Variants in DKK3 observed in about 807,000 individuals in gnomAD.
The protein encoded by DKK3 is dickkopf Wnt signaling pathway inhibitor 3, also known as dickkopf-related protein 3.
DKK3 carries 22 observed loss-of-function variants against 33.2 expected under a neutral mutation model. That is an observed-to-expected ratio of 0.66 (90% CI 0.47 to 0.95). The LOEUF is 0.95. Among genes scored for constraint, DKK3 ranks in the 40% least tolerant of loss-of-function variants. The pLI is 0.00. For synonymous variants in DKK3, 194 were observed against 188.8 expected (o/e 1.03, Z -0.23); for missense variants, 398 against 458.4 (o/e 0.87, Z 1.20).
chr11:12,001,105 C>T (rs1406640908), intron 2 of DKK3, among the ~76,000 whole-genome samples: 1 of 152,180 alleles, frequency 6.6e-6, no homozygotes, highest in African/African-American at 2.4e-5. Context: ...CTGACATTTA[C>T]AAGAAGCAAC....
chr11:11,980,864 G>A (rs909877905), intron 3 of DKK3, among the ~76,000 whole-genome samples: 20 of 152,176 alleles, frequency 1.3e-4, no homozygotes, highest in African/African-American at 4.6e-4. Context: ...CTGAGGGGTG[G>A]TCCTGTCCAG....
At chr11:11,970,724 G>T (rs940319120) in intron 3 of DKK3, among the ~76,000 whole-genome samples, 1 of 152,224 alleles carries the variant, frequency 6.6e-6, no homozygotes, top group Admixed American at 6.5e-5. Context: ...ATCATGCCAG[G>T]TGTCACAGAC....
chr11:11,998,593 A>T, intron 3 of DKK3, 103 bp downstream of exon 3: 1 of 994,394 alleles, frequency 1.0e-6, no homozygotes, highest in East Asian at 2.4e-5. Flanking sequence ...AGGAGACTCC[A>T]CTCCCTCCTG....
At chr11:11,968,512 T>G (rs1317126613) in intron 3 of DKK3, 25 bp from the exon 4 acceptor site, 1 of 1,607,698 alleles carries the variant, frequency 6.2e-7, no homozygotes, top group Admixed American at 1.7e-5. Context: ...AGGGAGCAGA[T>G]GTGTCAATGG....
intron 1 of DKK3, among the ~76,000 whole-genome samples, chr11:12,007,284 G>A (rs1046693944): frequency 2.6e-5 from 4 of 152,220 alleles, no homozygotes; most frequent in African/African-American, 7.2e-5. Context: ...GCAGGGATGT[G>A]AAGCCAGACC....
rs553536379 is a variant in DKK3 at position 11,973,017 on chromosome 11, G to T, written c.436-4530C>A. Among the ~76,000 whole-genome samples the T allele has an allele frequency of 2.6e-5, 4 of 152,270 alleles. No homozygotes were observed. The South Asian group carries it at 6.2e-4, about 24-fold the overall frequency. On this transcript the variant is annotated intron_variant, in intron 3 of 6. Coordinates refer to ENST00000683431, the MANE Select transcript of DKK3 (RefSeq NM_001018057.2). ...TAGTAAGGAATGAGTACCTTGCAGG[G>T]CCTCTATCTACCTCTTAGCCCTGGG...
At chr11:11,966,830 T>G in intron 5 of DKK3, 124 bp downstream of exon 5, 3 of 1,366,084 alleles carry the variant, frequency 2.2e-6, no homozygotes, top group Non-Finnish European at 3.0e-6. Context: ...CTGATGAGCA[T>G]TTGGGAGCCT....
At chr11:11,986,183 T>C (rs550093579) in intron 3 of DKK3, among the ~76,000 whole-genome samples, 13 of 152,180 alleles carry the variant, frequency 8.5e-5, no homozygotes, top group Non-Finnish European at 1.9e-4. Context: ...TCCTAGCCAC[T>C]ACTCTTTTGT....
At chr11:12,006,758 TC>T (rs1234845183) in intron 1 of DKK3, among the ~76,000 whole-genome samples, 1 of 152,168 alleles carries the variant, frequency 6.6e-6, no homozygotes, top group African/African-American at 2.4e-5. Flanking sequence ...CTCTCCTCCC[TC>T]AGCAGAAGCT....
At chr11:11,980,239 G>A (rs945897972) in intron 3 of DKK3, among the ~76,000 whole-genome samples, 2 of 152,222 alleles carry the variant, frequency 1.3e-5, no homozygotes, top group African/African-American at 2.4e-5. Flanking sequence ...CCTCAACCCT[G>A]CAAATTAATA....
intron 1 of DKK3, 78 bp from the exon 2 acceptor site, chr11:12,002,515 C>T: frequency 6.7e-7 from 1 of 1,496,748 alleles, no homozygotes; most frequent in Non-Finnish European, 9.1e-7. Context: ...AAAAAAATCT[C>T]TTTTCCTCTT....
At chr11:11,982,748 G>A (rs1397854978) in intron 3 of DKK3, among the ~76,000 whole-genome samples, 1 of 152,170 alleles carries the variant, frequency 6.6e-6, no homozygotes, top group African/African-American at 2.4e-5. Flanking sequence ...TGGTGAGCAG[G>A]GTCCATACAG....
At chr11:11,968,795 G>A (rs1025514287) in intron 3 of DKK3, 1 of 267,544 alleles carries the variant, frequency 3.7e-6, no homozygotes, top group East Asian at 7.6e-5. Context: ...ACTCAGGGCT[G>A]GTCTTCCACA....
intron 3 of DKK3, among the ~76,000 whole-genome samples, chr11:11,971,801 C>G (rs1029380553): frequency 6.6e-5 from 10 of 152,226 alleles, no homozygotes; most frequent in Middle Eastern, 3.4e-3. Flanking sequence ...AAGCATATTC[C>G]CTTCAAACTT....
chr11:12,007,769 A>C (rs1351779505), intron 1 of DKK3, among the ~76,000 whole-genome samples: 1 of 152,144 alleles, frequency 6.6e-6, no homozygotes, highest in Non-Finnish European at 1.5e-5. Context: ...ACTGCGAAGC[A>C]CCGTTGGGTG....
At position 11,968,342 on chromosome 11, in the gene DKK3, C is replaced by T. The variant is rs1204362643; in HGVS notation, c.528+53G>A. Reference sequence around the variant, plus strand: ...AACGCTGGGGCCCCTGGCTTTCTCCCCCAGGTGCCTGAGACCCTGGTGCCA... The same window carrying T: ...AACGCTGGGGCCCCTGGCTTTCTCCTCCAGGTGCCTGAGACCCTGGTGCCA... On this transcript the variant is annotated intron_variant, in intron 4 of 6. Transcript: ENST00000683431. The T allele has an allele frequency of 4.6e-5, 71 of 1,537,946 alleles. No homozygotes were observed. In the South Asian group the frequency reaches 7.9e-4, roughly 17 times the overall value.
At chr11:12,008,740 ACCGAGG>A (rs1341443296), upstream of DKK3, 5 of 1,203,508 alleles carry the variant, frequency 4.2e-6, no homozygotes, top group African/African-American at 6.4e-5. This position sits in a 1 kb window ranked among gnomAD's most constrained non-coding sequence, Gnocchi z 4.6. Flanking sequence ...ACGGGAGGAA[ACCGAGG>A]CCCCTGAAAA....
At chr11:11,967,284 G>T (rs1312710210) in intron 4 of DKK3, among the ~76,000 whole-genome samples, 186 bp from the exon 5 acceptor site, 1 of 152,194 alleles carries the variant, frequency 6.6e-6, no homozygotes, top group East Asian at 1.9e-4. Flanking sequence ...GAGACATGGG[G>T]GTCAGAACGC....
At chr11:11,998,902 C>T (rs957154855) in intron 2 of DKK3, 123 bp from the exon 3 acceptor site, 2 of 793,130 alleles carry the variant, frequency 2.5e-6, no homozygotes, top group Non-Finnish European at 4.2e-6. Context: ...AGTCGAAATG[C>T]CCACCCCGCT....
Sources: allele counts gnomAD v4.1 joint callset (sites outside exome capture counted in the v4.1 genomes callset), GRCh38; gene constraint gnomAD v4.1.1; non-coding constraint Gnocchi (gnomAD v3.1); transcripts MANE v1.5; gene names NCBI Gene and HGNC (gene_info 2026-07-23, HGNC 2026-07-21).